The following UNC5C variants were observed in gnomAD, a reference collection of about 807,000 sequenced individuals.
The protein encoded by UNC5C is netrin receptor UNC5C.
UNC5C carries 47 observed loss-of-function variants against 99.8 expected under a neutral mutation model. That is an observed-to-expected ratio of 0.47 (90% CI 0.37 to 0.60). The LOEUF (loss-of-function observed/expected upper bound fraction) is 0.60, where lower values mean the gene tolerates loss of function less well. Ranked by LOEUF, UNC5C falls within the 20% of genes least tolerant of loss-of-function variation. UNC5C has a pLI of 0.00. For synonymous variants in UNC5C, 487 were observed against 452.2 expected (o/e 1.08, Z -0.98); for missense variants, 1,062 against 1,165.9 (o/e 0.91, Z 1.30).
intron 1 of UNC5C, among the ~76,000 whole-genome samples, chr4:95,536,084 T>TA (rs1478202884): frequency 3.3e-3 from 374 of 113,924 alleles, no homozygotes; most frequent in Middle Eastern, 0.01. Context: ...ATATATATAT[T>TA]TTTTTTTTTT....
At position 95,419,754 on chromosome 4, in the gene UNC5C, C is replaced by T. The variant is rs375082221; in HGVS notation, c.125-84123G>A. ...TGGGCCCAAGGAATCCATTTATAGA[C>T]TGATGCTTTTCTGGTCCATGTTGAA... On this transcript the variant is annotated intron_variant, in intron 1 of 15. Coordinates refer to ENST00000453304, the MANE Select transcript of UNC5C (RefSeq NM_003728.4). Among the ~76,000 whole-genome samples the T allele has an allele frequency of 2.0e-4, 31 of 152,188 alleles. No homozygotes were observed. The South Asian group carries it at 4.8e-3, about 23-fold the overall frequency.
chr4:95,424,510 T>G (rs1422780134), intron 1 of UNC5C, among the ~76,000 whole-genome samples: 1 of 135,280 alleles, frequency 7.4e-6, no homozygotes, highest in Non-Finnish European at 1.6e-5. Context: ...GAATTTTTTT[T>G]TTCTTTTCTT....
chr4:95,284,181 A>G (rs1384708696), intron 3 of UNC5C, among the ~76,000 whole-genome samples: 1 of 152,136 alleles, frequency 6.6e-6, no homozygotes, highest in African/African-American at 2.4e-5. Context: ...AGAATACATG[A>G]TTCATGGCAT....
intron 1 of UNC5C, among the ~76,000 whole-genome samples, chr4:95,371,640 G>A (rs1395366676): frequency 6.6e-6 from 1 of 152,108 alleles, no homozygotes; most frequent in Non-Finnish European, 1.5e-5. Context: ...TGAATCGCCA[G>A]CTTCAAAGTA....
At chr4:95,178,734 T>C (rs1334404784) in intron 14 of UNC5C, among the ~76,000 whole-genome samples, 2 of 152,176 alleles carry the variant, frequency 1.3e-5, no homozygotes, top group Non-Finnish European at 2.9e-5. Context: ...TGGGAAGGCG[T>C]GCTCACATAT....
intron 1 of UNC5C, among the ~76,000 whole-genome samples, chr4:95,423,802 T>C (rs1746386800): frequency 1.3e-5 from 2 of 152,212 alleles, no homozygotes; most frequent in South Asian, 2.1e-4. Context: ...TCAGCATTTC[T>C]ATTGGTGTGA....
rs373641935 is a variant in UNC5C at position 95,213,885 on chromosome 4, G to C, written c.1733+2239C>G. ...ACCGTAATACATAGGCAGAGGTTTG[G>C]TTTGTGCATTGGTGCAATGGAGGAG... On this transcript the variant is annotated intron_variant, in intron 10 of 15. Transcript: ENST00000453304. Among the ~76,000 whole-genome samples, 59 of 152,322 alleles carry C rather than the reference G, an allele frequency of 3.9e-4. No individual in the cohort carries two copies. The South Asian group carries it at 0.012, about 30-fold the overall frequency.
intron 1 of UNC5C, among the ~76,000 whole-genome samples, chr4:95,442,746 ATAAT>A (rs375246851): frequency 6.6e-6 from 1 of 152,140 alleles, no homozygotes; most frequent in African/African-American, 2.4e-5. Flanking sequence ...AATGCGCCAA[ATAAT>A]TAGTAATGTA....
rs1186435857 is a variant in UNC5C, at chr4:95,177,826, C to CAAAT, written c.2451+5067_2451+5070dup. ...AAGCGATCCTCCCACCTCAGTCTCC[C>CAAAT]AAATAGCTGAGACTATCGGTGTGCA... On this transcript the variant is annotated intron_variant, in intron 14 of 15. Coordinates refer to ENST00000453304, the MANE Select transcript of UNC5C (RefSeq NM_003728.4). 2.6e-5 allele frequency among the ~76,000 whole-genome samples: 4 copies of CAAAT among 151,670 alleles called. No individual in the cohort carries two copies. In the East Asian group the frequency reaches 5.8e-4, roughly 22 times the overall value.
At chr4:95,246,773 G>A (rs1739517843) in intron 5 of UNC5C, among the ~76,000 whole-genome samples, 1 of 151,802 alleles carries the variant, frequency 6.6e-6, no homozygotes, top group Non-Finnish European at 1.5e-5. Context: ...AGTACTGGTA[G>A]TATATGCCAG....
At chr4:95,301,872 T>A in intron 2 of UNC5C, 123 bp from the exon 3 acceptor site, 2 of 1,227,954 alleles carry the variant, frequency 1.6e-6, no homozygotes, top group Non-Finnish European at 2.2e-6. Context: ...ACCCAGATAT[T>A]GTCTCTCATC....
intron 1 of UNC5C, among the ~76,000 whole-genome samples, chr4:95,346,094 G>A (rs1231503703): frequency 1.3e-5 from 2 of 151,482 alleles, no homozygotes; most frequent in Non-Finnish European, 3.0e-5. Flanking sequence ...TTTTGAAAAA[G>A]GAGACATTAC....
intron 13 of UNC5C, among the ~76,000 whole-genome samples, chr4:95,183,952 CATT>C (rs1310337804): frequency 6.6e-6 from 1 of 152,140 alleles, no homozygotes; most frequent in Non-Finnish European, 1.5e-5. Context: ...AGATGGTAAG[CATT>C]CGGCCAGGCT....
At chr4:95,215,073 C>T (rs1738201673) in intron 10 of UNC5C, among the ~76,000 whole-genome samples, 1 of 152,152 alleles carries the variant, frequency 6.6e-6, no homozygotes, top group Non-Finnish European at 1.5e-5. Flanking sequence ...TTCTGGGTCA[C>T]ACCAATTATA....
intron 7 of UNC5C, among the ~76,000 whole-genome samples, chr4:95,234,661 T>C (rs1269827131): frequency 6.6e-6 from 1 of 152,190 alleles, no homozygotes; most frequent in South Asian, 2.1e-4. Context: ...TCTTTAGTAA[T>C]GCATTCTGGT....
chr4:95,425,760 A>T (rs1490711921), intron 1 of UNC5C, among the ~76,000 whole-genome samples: 1 of 152,274 alleles, frequency 6.6e-6, no homozygotes, highest in Non-Finnish European at 1.5e-5. Context: ...TTATTTAAAT[A>T]CATATATTTC....
At chr4:95,509,267 TTAA>T (rs1424732524) in intron 1 of UNC5C, among the ~76,000 whole-genome samples, 1 of 151,786 alleles carries the variant, frequency 6.6e-6, no homozygotes, top group Non-Finnish European at 1.5e-5. Context: ...AATATAACTA[TTAA>T]TGTTATATCT....
chr4:95,311,294 T>C (rs1254031946), intron 2 of UNC5C, among the ~76,000 whole-genome samples: 5 of 151,884 alleles, frequency 3.3e-5, no homozygotes, highest in Admixed American at 2.0e-4. Flanking sequence ...CTTTGGAATA[T>C]AAAAAAAACA....
At chr4:95,417,759 G>T (rs561367578) in intron 1 of UNC5C, among the ~76,000 whole-genome samples, 18 of 152,270 alleles carry the variant, frequency 1.2e-4, no homozygotes, top group African/African-American at 4.1e-4. Context: ...TTCTGACATC[G>T]TGCCAAGTCC....
Sources: gnomAD v4.1 joint callset for allele counts (sites outside exome capture counted in the v4.1 genomes callset) on GRCh38, gnomAD v4.1.1 for gene constraint, MANE v1.5 for transcripts, NCBI Gene and HGNC (gene_info 2026-07-23, HGNC 2026-07-21) for gene names.